BNC2: variants seen among roughly 807,000 people sequenced by gnomAD.
The protein encoded by BNC2 is zinc finger protein basonuclin-2.
Under a neutral mutation model 76.3 loss-of-function variants are expected in BNC2, and 20 were observed. The ratio of observed to expected loss-of-function variants is 0.26; its 90% CI spans 0.18 to 0.38. BNC2 has a LOEUF of 0.38. Among genes scored for constraint, BNC2 ranks in the 10% least tolerant of loss-of-function variants. BNC2 has a pLI of 1.00. For missense variants in BNC2, 1,382 were observed against 1,399.8 expected (o/e 0.99, Z 0.20); for synonymous variants, 582 against 514.8 (o/e 1.13, Z -1.77).
intron 5 of BNC2, among the ~76,000 whole-genome samples, chr9:16,543,013 C>G (rs1170179893): frequency 2.0e-5 from 3 of 152,080 alleles, no homozygotes; most frequent in African/African-American, 7.2e-5. Context: ...CTGTACAAGT[C>G]CCCCTCATCT....
At position 16,727,949 on chromosome 9, in the gene BNC2, T is replaced by C. The variant is rs751530232; in HGVS notation, c.178A>G (p.Arg60Gly). 19 of 1,614,012 alleles carry C rather than the reference T, an allele frequency of 1.2e-5. No homozygotes were observed. The highest frequency in any genetic ancestry group is 1.5e-5 in the Non-Finnish European group (18 of 1,180,038). Residue 60 changes from arginine (R) to glycine (G), a missense_variant, in exon 3 of 7, where the codon AGA becomes GGA. By Grantham distance (125) the Arg-to-Gly change is moderately radical. Transcript: ENST00000380672. ...DVRERETQRD[R>G]EPKRARDLTL... ...AAGTCTCTTGCCCTCTTTGGCTCTCTGTCTCTCTGTGTCTCTCTTTCTCTC... is the reference window on the plus strand; with the variant it reads ...AAGTCTCTTGCCCTCTTTGGCTCTCCGTCTCTCTGTGTCTCTCTTTCTCTC...
In BNC2 at chr9:16,436,173, T is replaced by A. The variant is rs756094132; in HGVS notation, c.2021A>T (p.Asn674Ile). ...CATCTCCTCTTGGGAGTGACAATGA[T>A]TGTCATGGCTCATGTCATTGACCAC... Reference protein sequence around the residue: ...GAVVNDMSHDNHCHSQEEMSP... With the variant: ...GAVVNDMSHDIHCHSQEEMSP... Residue 674 changes from asparagine (N) to isoleucine (I), a missense_variant, in exon 6 of 7, where the codon AAT becomes ATT. Asn to Ile is a moderately radical substitution (Grantham distance 149). Around this residue, in one of 3 missense-constraint regions of BNC2, gnomAD observed 798 missense variants for 775.5 expected, o/e 1.03. Transcript: ENST00000380672. 6.2e-7 allele frequency: 1 copy of A among 1,614,214 alleles called. No individual in the cohort carries two copies. The highest frequency in any genetic ancestry group is 8.5e-7 in the Non-Finnish European group (1 of 1,180,024).
chr9:16,637,721 G>T (rs568489645), intron 3 of BNC2, among the ~76,000 whole-genome samples: 2 of 152,282 alleles, frequency 1.3e-5, no homozygotes, highest in South Asian at 4.1e-4. Flanking sequence ...GGCAAAGCAG[G>T]CCTCACCTGG....
chr9:16,452,238 T>C lies in BNC2; in HGVS notation c.670-14714A>G, dbSNP rs577937313. 3.3e-5 allele frequency among the ~76,000 whole-genome samples: 5 copies of C among 152,302 alleles called. No individual in the cohort carries two copies. In the East Asian group the frequency reaches 9.7e-4, roughly 29 times the overall value. ...GTTACCTATTCTTAGAAAATGCTTT[T>C]GGGAATGAGATTACCTTTATGTGGT... On this transcript the variant is annotated intron_variant, in intron 5 of 6. Transcript: ENST00000380672.
intron 3 of BNC2, among the ~76,000 whole-genome samples, chr9:16,707,593 A>G (rs552811971): frequency 6.6e-6 from 1 of 152,302 alleles, no homozygotes; most frequent in Admixed American, 6.5e-5. Flanking sequence ...CACTAAAAGA[A>G]GGATAAGCAA....
chr9:16,412,687 G>C lies in BNC2; in HGVS notation c.*6302C>G, dbSNP rs1820487657. ...GTGTGTGTATGTGCTTGTATGTTAGGAGGGGAGAATAAGAGGGAAGGAGAG... is the reference window on the plus strand; with the variant it reads ...GTGTGTGTATGTGCTTGTATGTTAGCAGGGGAGAATAAGAGGGAAGGAGAG... On this transcript the variant is annotated 3_prime_UTR_variant, in exon 7 of 7. Coordinates refer to ENST00000380672, the MANE Select transcript of BNC2 (RefSeq NM_017637.6). 1 of 150,790 alleles carries C rather than the reference G, an allele frequency of 6.6e-6. No homozygotes were observed. Among genetic ancestry groups the C allele is most frequent in the Non-Finnish European group, 1.5e-5 (1 of 67,560 alleles). The allele number at this position is 150,790 out of a possible 1,614,324, so 9.3% of individuals were successfully genotyped here.
At chr9:16,624,255 G>A (rs571423805) in intron 3 of BNC2, among the ~76,000 whole-genome samples, 11 of 152,186 alleles carry the variant, frequency 7.2e-5, no homozygotes, top group African/African-American at 2.6e-4. Flanking sequence ...TCATACCACA[G>A]GGCTATGAAA....
At chr9:16,856,162 A>C (rs181219290) in intron 1 of BNC2, among the ~76,000 whole-genome samples, 13 of 152,208 alleles carry the variant, frequency 8.5e-5, no homozygotes, top group Non-Finnish European at 1.9e-4. Flanking sequence ...CTCCAAAAAA[A>C]TTTCAGTCAA....
chr9:16,751,622 A>G (rs75206828), intron 1 of BNC2, among the ~76,000 whole-genome samples: 36 of 35,972 alleles, frequency 1.0e-3, no homozygotes, highest in East Asian at 2.3e-3. Flanking sequence ...ATATGTGTAT[A>G]TATATATGTA....
Position 16,418,363 on chromosome 9 carries a change from G to T in BNC2, c.*626C>A, listed in dbSNP as rs920973448. The T allele has an allele frequency of 3.9e-5, 6 of 152,558 alleles. No homozygotes were observed. The highest frequency in any genetic ancestry group is 1.5e-4 in the African/African-American group (6 of 41,348). 9.5% of individuals were successfully genotyped at this position (152,558 alleles called of 1,614,324 possible). On this transcript the variant is annotated 3_prime_UTR_variant, in exon 7 of 7. Coordinates refer to ENST00000380672, the MANE Select transcript of BNC2 (RefSeq NM_017637.6). ...GCTAGCCAGCAAACTATCTTTTCCT[G>T]CATATCTAACAGCTGGATGTAACTG...
chr9:16,520,557 T>C (rs149707065), intron 5 of BNC2, among the ~76,000 whole-genome samples: 5 of 152,152 alleles, frequency 3.3e-5, no homozygotes, highest in African/African-American at 9.7e-5. Flanking sequence ...AATGATAGCA[T>C]AGATAGCAAG....
intron 4 of BNC2, among the ~76,000 whole-genome samples, chr9:16,563,929 G>A (rs1443564728): frequency 1.3e-5 from 2 of 151,996 alleles, no homozygotes; most frequent in Non-Finnish European, 2.9e-5. Flanking sequence ...ATATCGCTTG[G>A]ATTTTATCAC....
chr9:16,835,270 TTTG>T (rs1488666372), intron 1 of BNC2, among the ~76,000 whole-genome samples: 1 of 152,244 alleles, frequency 6.6e-6, no homozygotes, highest in African/African-American at 2.4e-5. Flanking sequence ...TTGATTTTTC[TTTG>T]TTAAGTATGT....
chr9:16,643,684 A>G (rs1821550874), intron 3 of BNC2, among the ~76,000 whole-genome samples: 1 of 152,228 alleles, frequency 6.6e-6, no homozygotes, highest in African/African-American at 2.4e-5. Flanking sequence ...TGTGAAAAGC[A>G]GCAATCACAT....
intron 3 of BNC2, among the ~76,000 whole-genome samples, chr9:16,610,276 C>G (rs914444526): frequency 4.6e-5 from 7 of 152,058 alleles, no homozygotes; most frequent in African/African-American, 1.7e-4. Context: ...CATTTGGGAG[C>G]CCCCTTTGCT....
chr9:16,850,295 G>C (rs535014424), intron 1 of BNC2, among the ~76,000 whole-genome samples: 42 of 152,298 alleles, frequency 2.8e-4, no homozygotes, highest in African/African-American at 9.9e-4. Flanking sequence ...ACTTTGGTCA[G>C]TGGAATGATA....
chr9:16,751,919 C>A (rs5016916), intron 1 of BNC2, among the ~76,000 whole-genome samples: 55,274 of 151,414 alleles, frequency 0.37, 12,535 homozygotes, highest in East Asian at 0.9. Flanking sequence ...ATCTCAGCTA[C>A]TCGGGAGGCT....
intron 1 of BNC2, among the ~76,000 whole-genome samples, chr9:16,860,947 G>A (rs1454780596): frequency 2.0e-5 from 3 of 151,802 alleles, no homozygotes; most frequent in Non-Finnish European, 4.4e-5. Context: ...TCGGGACGCT[G>A]AGGCAGGACA....
intron 5 of BNC2, among the ~76,000 whole-genome samples, chr9:16,534,995 T>C (rs1163462199): frequency 6.6e-6 from 1 of 152,200 alleles, no homozygotes; most frequent in African/African-American, 2.4e-5. Context: ...CTGCCTATTT[T>C]TTTCTGTAGA....
Sources: allele counts gnomAD v4.1 joint callset (sites outside exome capture counted in the v4.1 genomes callset), GRCh38; gene constraint gnomAD v4.1.1; regional missense constraint gnomAD v4.1.1; transcripts MANE v1.5; gene names NCBI Gene and HGNC (gene_info 2026-07-23, HGNC 2026-07-21).